SYCE2: variants seen among roughly 807,000 people sequenced by gnomAD.
SYCE2 encodes the protein central element synaptonemal complex 1.
SYCE2 carries 3 observed loss-of-function variants against 27.9 expected under a neutral mutation model. That is an observed-to-expected ratio of 0.11 (90% CI 0.05 to 0.28). SYCE2 has a LOEUF of 0.28. Ranked by LOEUF, SYCE2 falls within the 10% of genes least tolerant of loss-of-function variation. SYCE2 has a pLI of 1.00. For missense variants in SYCE2, 207 were observed against 263.5 expected, an observed-to-expected ratio of 0.79 and a Z score of 1.48; for synonymous variants, 85 against 100.7, an observed-to-expected ratio of 0.84 and a Z score of 0.93.
At chr19:12,899,588 A>G in intron 5 of SYCE2, 2 of 1,613,866 alleles carry the variant, frequency 1.2e-6, no homozygotes, top group South Asian at 2.2e-5. Flanking sequence ...TTCTGGAGAG[A>G]TGCCTGGCTG....
rs375825710 is a variant in SYCE2 at position 12,899,070 on chromosome 19, C to T, written c.*271G>A. ...GCTTTCAGCCTCTGTGGCAAGGAAG[C>T]GTGGCCAGGTTGAAAATCAAACATT... On this transcript the variant is annotated 3_prime_UTR_variant, in exon 6 of 6. Coordinates refer to ENST00000293695, the MANE Select transcript of SYCE2 (RefSeq NM_001105578.2). 130 of 503,238 alleles carry T rather than the reference C, an allele frequency of 2.6e-4. No homozygotes were observed. Among genetic ancestry groups the T allele is most frequent in the Non-Finnish European group, 4.1e-4 (115 of 278,424 alleles). The allele number at this position is 503,238 out of a possible 1,614,324, so 31.2% of individuals were successfully genotyped here. A position where few individuals can be genotyped will look rare whatever the true frequency, so the allele number is the denominator to read the frequency against.
At chr19:12,905,247 T>G (rs903909937) in intron 2 of SYCE2, among the ~76,000 whole-genome samples, 2 of 151,892 alleles carry the variant, frequency 1.3e-5, no homozygotes, top group Non-Finnish European at 1.5e-5. Context: ...ACCAAGGAGG[T>G]CTGTCTGTCC....
Position 12,899,786 on chromosome 19 carries a change from A to G in SYCE2, c.612+218T>C, listed in dbSNP as rs758089367. On this transcript the variant is annotated intron_variant, in intron 5 of 5. Coordinates refer to ENST00000293695, the MANE Select transcript of SYCE2 (RefSeq NM_001105578.2). ...TTAACCATGGATGAGAGCAGACTCCATTTACCCTGAAATAGCAGCTTCTCT... is the reference window on the plus strand; with the variant it reads ...TTAACCATGGATGAGAGCAGACTCCGTTTACCCTGAAATAGCAGCTTCTCT... 5.6e-6 allele frequency: 9 copies of G among 1,597,256 alleles called. No individual in the cohort carries two copies. In the Admixed American group the frequency reaches 6.7e-5, roughly 12 times the overall value.
intron 2 of SYCE2, among the ~76,000 whole-genome samples, chr19:12,917,240 GAC>G (rs2145984064): frequency 6.6e-6 from 1 of 150,992 alleles, no homozygotes; most frequent in South Asian, 2.1e-4. Context: ...AATTTTTGTA[GAC>G]ACAGGGTTTC....
chr19:12,903,096 T>G (rs907938963), intron 3 of SYCE2, among the ~76,000 whole-genome samples: 9 of 146,644 alleles, frequency 6.1e-5, no homozygotes, highest in African/African-American at 2.2e-4. Context: ...TTTTTCTTCT[T>G]TTTTTTTTTT....
chr19:12,910,040 T>C lies in SYCE2; in HGVS notation c.132-5374A>G, dbSNP rs142189884. 9.5e-4 allele frequency among the ~76,000 whole-genome samples: 145 copies of C among 152,176 alleles called. 2 individuals carry two copies. Among genetic ancestry groups the C allele is most frequent in the African/African-American group, 3.4e-3 (142 of 41,514 alleles). ...TGCCACCACACCCAGCTAATTTTTG[T>C]ATTTTTAGTAGAGACGGGGTTTCAA... On this transcript the variant is annotated intron_variant, in intron 2 of 5. Transcript: ENST00000293695.
intron 2 of SYCE2, chr19:12,906,032 T>C (rs1047706040): frequency 2.0e-5 from 3 of 152,150 alleles, no homozygotes; most frequent in African/African-American, 7.2e-5. Context: ...GTAATTTTTG[T>C]GTTTTTAGTA....
In SYCE2 at chr19:12,899,706, A is replaced by G. The variant is rs8012; in HGVS notation, c.612+298T>C. The G allele has an allele frequency of 0.58, 937,823 of 1,611,108 alleles. 279,524 individuals are homozygous for G. The highest frequency in any genetic ancestry group is 0.82 in the East Asian group (36,886 of 44,848). On this transcript the variant is annotated intron_variant, in intron 5 of 5. Transcript: ENST00000293695. ...CAAAATTTCCCTTCTGAAGTCGTTC[A>G]GATGTGTTCCTTAAAAAGAAGATGG...
chr19:12,903,396 CTT>C (rs1280694858), intron 3 of SYCE2, among the ~76,000 whole-genome samples: 6 of 124,844 alleles, frequency 4.8e-5, no homozygotes, highest in Non-Finnish European at 8.6e-5. Context: ...CGGCCCTCTT[CTT>C]TTTTTTTTTT....
chr19:12,909,809 G>A (rs550795494), intron 2 of SYCE2, among the ~76,000 whole-genome samples: 3 of 151,762 alleles, frequency 2.0e-5, no homozygotes, highest in African/African-American at 2.4e-5. Context: ...CAGGTGATCC[G>A]CCCTCCTCGG....
At chr19:12,918,977 G>T (rs905667709) in intron 1 of SYCE2, among the ~76,000 whole-genome samples, 2 of 150,116 alleles carry the variant, frequency 1.3e-5, no homozygotes, top group South Asian at 4.2e-4. Flanking sequence ...AGAAATGAAA[G>T]AAACGGGTGC....
Position 12,900,589 on chromosome 19 carries a change from G to T in SYCE2, c.366C>A (p.Asn122Lys). The change falls in exon 4 of 6, where the codon AAC (asparagine) becomes AAA (lysine). Residue 122 changes from asparagine (N) to lysine (K), a missense_variant. Coordinates refer to ENST00000293695, the MANE Select transcript of SYCE2 (RefSeq NM_001105578.2). ...ERIYQIYNDHNKIIQEKLQEF... is the reference protein window; with the variant it reads ...ERIYQIYNDHKKIIQEKLQEF... ...CTTGGAGCTTTTCCTGGATGATCTT[G>T]TTGTGGTCATTATAAATCTGATAGA... 1 of 1,614,108 alleles carries T rather than the reference G, an allele frequency of 6.2e-7. No homozygotes were observed. The highest frequency in any genetic ancestry group is 1.3e-5 in the African/African-American group (1 of 75,018).
intron 3 of SYCE2, among the ~76,000 whole-genome samples, chr19:12,904,229 C>G (rs554163799): frequency 2.6e-5 from 4 of 152,328 alleles, no homozygotes; most frequent in Admixed American, 2.0e-4. Flanking sequence ...GGTCCAATCT[C>G]TTCTCTGTAG....
chr19:12,905,840 A>G (rs1319599422), intron 2 of SYCE2, among the ~76,000 whole-genome samples: 4 of 151,982 alleles, frequency 2.6e-5, no homozygotes, highest in East Asian at 1.9e-4. Flanking sequence ...GGGCTTCACT[A>G]TGTTATTCAG....
chr19:12,910,924 G>A (rs542927367), intron 2 of SYCE2, among the ~76,000 whole-genome samples: 20 of 152,022 alleles, frequency 1.3e-4, no homozygotes, highest in South Asian at 2.1e-4. Flanking sequence ...TGATCCGCCC[G>A]TCTCGGCCTC....
At chr19:12,903,094 C>CTT (rs1298868407) in intron 3 of SYCE2, among the ~76,000 whole-genome samples, 6,551 of 129,268 alleles carry the variant, frequency 0.051, 585 homozygotes, top group African/African-American at 0.17. Context: ...TCTTTTTCTT[C>CTT]TTTTTTTTTT....
chr19:12,901,935 G>T (rs1224438944), intron 3 of SYCE2, among the ~76,000 whole-genome samples: 1 of 152,044 alleles, frequency 6.6e-6, no homozygotes, highest in Non-Finnish European at 1.5e-5. Flanking sequence ...TTTTTAAGAG[G>T]CAAAAGTATA....
chr19:12,908,036 C>T (rs575863398), intron 2 of SYCE2, among the ~76,000 whole-genome samples: 4 of 151,908 alleles, frequency 2.6e-5, no homozygotes, highest in Admixed American at 1.3e-4. Context: ...CACTTGAGCC[C>T]GGGAGGTCAA....
At chr19:12,908,415 C>T (rs1470256372) in intron 2 of SYCE2, among the ~76,000 whole-genome samples, 1 of 151,866 alleles carries the variant, frequency 6.6e-6, no homozygotes, top group Non-Finnish European at 1.5e-5. Flanking sequence ...AGCTCTGCCT[C>T]CCGGGTTCAC....
Sources: gnomAD v4.1 joint callset for allele counts (sites outside exome capture counted in the v4.1 genomes callset) on GRCh38, gnomAD v4.1.1 for gene constraint, MANE v1.5 for transcripts, NCBI Gene and HGNC (gene_info 2026-07-23, HGNC 2026-07-21) for gene names.